Variants in QRFPR observed in about 807,000 individuals in gnomAD.
QRFPR encodes pyroglutamylated RF-amide peptide receptor.
In QRFPR, 37 loss-of-function variants were observed where a neutral mutation model predicts 31.3. That is an observed-to-expected ratio of 1.18 (90% CI 0.91 to 1.56). The LOEUF is 1.56. QRFPR is among the 40% of genes most tolerant of loss of function. QRFPR has a pLI of 0.00. For missense variants in QRFPR, 542 were observed against 532.5 expected, an observed-to-expected ratio of 1.02 and a Z score of -0.18; for synonymous variants, 197 against 192.0, an observed-to-expected ratio of 1.03 and a Z score of -0.22.
At chr4:121,354,765 T>C (rs961986121) in intron 1 of QRFPR, among the ~76,000 whole-genome samples, 7 of 152,076 alleles carry the variant, frequency 4.6e-5, no homozygotes, top group Non-Finnish European at 4.4e-5. Flanking sequence ...ATGAAAGATA[T>C]TGCATTTTAT....
chr4:121,369,383 G>C, intron 1 of QRFPR: 1 of 685,414 alleles, frequency 1.5e-6, no homozygotes, highest in Non-Finnish European at 2.6e-6. Flanking sequence ...AAAGGGCAGT[G>C]GAGTGCAAGA....
At chr4:121,349,857 C>T (rs528197426) in intron 1 of QRFPR, among the ~76,000 whole-genome samples, 5 of 152,144 alleles carry the variant, frequency 3.3e-5, no homozygotes, top group African/African-American at 1.2e-4. Flanking sequence ...TTTCATGGTA[C>T]GTCATAAATA....
intron 1 of QRFPR, among the ~76,000 whole-genome samples, chr4:121,355,683 T>C (rs1244209149): frequency 1.3e-5 from 2 of 152,126 alleles, no homozygotes; most frequent in African/African-American, 4.8e-5. Context: ...GCTTTTCTGA[T>C]GTAGGATTTT....
intron 2 of QRFPR, chr4:121,340,108 CAAAAAAAAAAAAAA>C (rs58311512): frequency 0.41 from 53,934 of 132,844 alleles, 9,403 homozygotes; most frequent in Non-Finnish European, 0.45. Flanking sequence ...CACTCTGTCT[CAAAAAAAAAAAAAA>C]AAAAAAAAAA....
At position 121,329,064 on chromosome 4, in the gene QRFPR, C is replaced by T. The variant is rs141894864; in HGVS notation, c.*250G>A. Reference sequence around the variant, plus strand: ...CCACCGTGCCTGGCCTTCCATGTTGCTTTTTTAAGGCTAGTCAAGTGAAGC... The same window carrying T: ...CCACCGTGCCTGGCCTTCCATGTTGTTTTTTTAAGGCTAGTCAAGTGAAGC... On this transcript the variant is annotated 3_prime_UTR_variant, in exon 6 of 6. Transcript: ENST00000394427. 62 of 341,206 alleles carry T rather than the reference C, an allele frequency of 1.8e-4. No homozygotes were observed. Among genetic ancestry groups the T allele is most frequent in the African/African-American group, 1.3e-3 (61 of 47,044 alleles). The allele number at this position is 341,206 out of a possible 1,614,324, so 21.1% of individuals were successfully genotyped here. A position where few individuals can be genotyped will look rare whatever the true frequency, so the allele number is the denominator to read the frequency against.
At chr4:121,358,875 GCATTAACAC>G (rs1725924622) in intron 1 of QRFPR, among the ~76,000 whole-genome samples, 3 of 152,124 alleles carry the variant, frequency 2.0e-5, no homozygotes, top group Non-Finnish European at 4.4e-5. Context: ...GATCTAATAA[GCATTAACAC>G]CATCAACTCA....
chr4:121,375,594 G>A (rs1726336308), intron 1 of QRFPR, among the ~76,000 whole-genome samples: 1 of 152,192 alleles, frequency 6.6e-6, no homozygotes, highest in Non-Finnish European at 1.5e-5. Context: ...TAAGTGCCAA[G>A]TCTTCAGATC....
chr4:121,344,747 C>G (rs1160508714), intron 1 of QRFPR, among the ~76,000 whole-genome samples: 4 of 152,112 alleles, frequency 2.6e-5, no homozygotes, highest in Non-Finnish European at 5.9e-5. Context: ...TTCATTAAGC[C>G]TATCATCAAC....
chr4:121,369,615 G>C, intron 1 of QRFPR: 2 of 1,610,220 alleles, frequency 1.2e-6, no homozygotes, highest in Non-Finnish European at 1.7e-6. Flanking sequence ...TGGGCTCCTC[G>C]GTAGGCCTGG....
Position 121,332,982 on chromosome 4 carries a change from C to G in QRFPR, c.636G>C (p.Lys212Asn). ...TGACAAGGATGAAGGTGGTGTAGAT[C>G]TTCTGGTGCACAGGGCTGGTCCACT... ...LEEWTSPVHQKIYTTFILVIL... is the reference protein window; with the variant it reads ...LEEWTSPVHQNIYTTFILVIL... The change falls in exon 4 of 6, where the codon AAG (lysine) becomes AAC (asparagine). Residue 212 changes from lysine (K) to asparagine (N), a missense_variant. Lys to Asn is a moderately conservative substitution (Grantham distance 94). Coordinates refer to ENST00000394427, the MANE Select transcript of QRFPR (RefSeq NM_198179.3). The G allele has an allele frequency of 6.2e-7, 1 of 1,602,728 alleles. No individual in the cohort carries two copies. The highest frequency in any genetic ancestry group is 1.7e-4 in the Middle Eastern group (1 of 6,030).
intron 1 of QRFPR, among the ~76,000 whole-genome samples, chr4:121,375,226 C>T (rs573126167): frequency 6.6e-6 from 1 of 152,196 alleles, no homozygotes; most frequent in African/African-American, 2.4e-5. Context: ...TCTCTCCCAG[C>T]CTATCCCTCA....
chr4:121,375,693 C>T (rs144846215), intron 1 of QRFPR, among the ~76,000 whole-genome samples: 1 of 152,070 alleles, frequency 6.6e-6, no homozygotes, highest in African/African-American at 2.4e-5. Context: ...AGCCTCTATG[C>T]AGAAATTGAT....
chr4:121,354,528 T>A lies in QRFPR; in HGVS notation c.341-13918A>T, dbSNP rs142968124. Reference sequence around the variant, plus strand: ...GATAATTTGACTTTTTCCTTTTCAATTTGGATGTCATTTATTTCTTTCTCC... The same window carrying A: ...GATAATTTGACTTTTTCCTTTTCAAATTGGATGTCATTTATTTCTTTCTCC... On this transcript the variant is annotated intron_variant, in intron 1 of 5. Coordinates refer to ENST00000394427, the MANE Select transcript of QRFPR (RefSeq NM_198179.3). Among the ~76,000 whole-genome samples, 1,152 of 152,180 alleles carry A rather than the reference T, an allele frequency of 7.6e-3. 7 individuals are homozygous for A. Among genetic ancestry groups the A allele is most frequent in the Non-Finnish European group, 0.012 (805 of 67,932 alleles).
At chr4:121,347,532 A>T (rs776075198) in intron 1 of QRFPR, among the ~76,000 whole-genome samples, 23 of 152,056 alleles carry the variant, frequency 1.5e-4, no homozygotes, top group Non-Finnish European at 2.4e-4. Context: ...GTTTTAGGGG[A>T]TGTATTTCTT....
chr4:121,378,486 C>T lies in QRFPR; in HGVS notation c.340+1822G>A, dbSNP rs560238125. 1.1e-3 allele frequency among the ~76,000 whole-genome samples: 165 copies of T among 147,640 alleles called. 1 individual carries two copies. The highest frequency in any genetic ancestry group is 3.7e-3 in the Middle Eastern group (1 of 270). ...GGAGTGCAGTAGCGTGATCTCGGCT[C>T]ACTACAACCTCTGCCTCCCGGGGTC... On this transcript the variant is annotated intron_variant, in intron 1 of 5. Transcript: ENST00000394427.
Position 121,377,916 on chromosome 4 carries a change from A to T in QRFPR, c.340+2392T>A, listed in dbSNP as rs1726387377. On this transcript the variant is annotated intron_variant, in intron 1 of 5. Transcript: ENST00000394427. ...GAACTTTGGTTAATTTATCAAGGAA[A>T]TTTTGCCATGATTATCCTGTCCTAT... Among the ~76,000 whole-genome samples, 3 of 152,106 alleles carry T rather than the reference A, an allele frequency of 2.0e-5. No homozygotes were observed. In the South Asian group the frequency reaches 6.2e-4, roughly 32 times the overall value.
rs150868405 is a variant in QRFPR at position 121,344,095 on chromosome 4, T to C, written c.341-3485A>G. 2.3e-3 allele frequency among the ~76,000 whole-genome samples: 350 copies of C among 152,334 alleles called. 2 individuals carry two copies. Among genetic ancestry groups the C allele is most frequent in the African/African-American group, 8.0e-3 (331 of 41,582 alleles). ...CATTAGGCAGCCCTATTAAAAGAAT[T>C]AAGGTAAATATGATGCACTTGGGGC... On this transcript the variant is annotated intron_variant, in intron 1 of 5. Transcript: ENST00000394427.
chr4:121,346,247 C>T (rs532900299), intron 1 of QRFPR, among the ~76,000 whole-genome samples: 1 of 152,296 alleles, frequency 6.6e-6, no homozygotes, highest in South Asian at 2.1e-4. Context: ...ACAGTCTATG[C>T]GCCCTTGTCC....
chr4:121,379,168 C>T (rs1433737236), intron 1 of QRFPR, among the ~76,000 whole-genome samples: 2 of 152,144 alleles, frequency 1.3e-5, no homozygotes, highest in Non-Finnish European at 2.9e-5. Flanking sequence ...ATGTTTAATG[C>T]TTTTTTGAAA....
Sources: gnomAD v4.1 joint callset for allele counts (sites outside exome capture counted in the v4.1 genomes callset) on GRCh38, gnomAD v4.1.1 for gene constraint, MANE v1.5 for transcripts, NCBI Gene and HGNC (gene_info 2026-07-23, HGNC 2026-07-21) for gene names.